CALN1: variants seen among roughly 807,000 people sequenced by gnomAD.
CALN1 encodes the protein calneuron 1.
In CALN1, 17 loss-of-function variants were observed where a neutral mutation model predicts 30.6. That is an observed-to-expected ratio of 0.56 (90% CI 0.38 to 0.83). The LOEUF is 0.83. Among genes scored for constraint, CALN1 ranks in the 40% least tolerant of loss-of-function variants. The pLI is 0.00. For missense variants in CALN1, 291 were observed against 354.9 expected (o/e 0.82, Z 1.45); for synonymous variants, 156 against 131.4 (o/e 1.19, Z -1.28).
chr7:71,941,382 G>T lies in CALN1; in HGVS notation c.501+82275C>A, dbSNP rs557237422. Among the ~76,000 whole-genome samples, 9 of 150,856 alleles carry T rather than the reference G, an allele frequency of 6.0e-5. No individual in the cohort carries two copies. In the South Asian group the frequency reaches 1.9e-3, roughly 32 times the overall value. ...AAAAAAAAGAATTTCTGTTCAATAA[G>T]GACACCATAAATGAAGTTAACTGAC... On this transcript the variant is annotated intron_variant, in intron 5 of 6. Coordinates refer to ENST00000395275, the MANE Select transcript of CALN1 (RefSeq NM_031468.4).
chr7:72,164,154 G>A (rs1164831771), intron 3 of CALN1, among the ~76,000 whole-genome samples: 1 of 152,052 alleles, frequency 6.6e-6, no homozygotes, highest in Non-Finnish European at 1.5e-5. Flanking sequence ...GGCCATCTGA[G>A]GTGAGGAGTT....
intron 5 of CALN1, among the ~76,000 whole-genome samples, chr7:71,869,377 A>AT (rs2116721956): frequency 6.6e-6 from 1 of 152,100 alleles, no homozygotes; most frequent in Non-Finnish European, 1.5e-5. Flanking sequence ...TGCCTGGCTA[A>AT]TTTTTTGTGT....
chr7:72,068,489 GTTTT>G (rs1301259025), intron 4 of CALN1, among the ~76,000 whole-genome samples: 1 of 142,062 alleles, frequency 7.0e-6, no homozygotes, highest in Admixed American at 7.1e-5. Flanking sequence ...TGGGCCTCCT[GTTTT>G]GTTTGTTTGT....
chr7:72,395,769 T>C (rs1014963847), intron 2 of CALN1, among the ~76,000 whole-genome samples: 7 of 151,832 alleles, frequency 4.6e-5, no homozygotes, highest in African/African-American at 1.7e-4. Flanking sequence ...AAAGATTTGG[T>C]CAATGGAACA....
In CALN1 at chr7:71,832,519, T is replaced by C. The variant is rs115573417; in HGVS notation, c.502-22027A>G. Among the ~76,000 whole-genome samples the C allele has an allele frequency of 5.5e-3, 838 of 152,340 alleles. 7 individuals carry two copies. The highest frequency in any genetic ancestry group is 0.019 in the African/African-American group (787 of 41,584). ...ACTTATTCAGAAACAAGTTCCCAGA[T>C]GCCAAGGTGACTGCTGAAAACCCTT... is the stretch of plus-strand genomic sequence containing the variant. On this transcript the variant is annotated intron_variant, in intron 5 of 6. Transcript: ENST00000395275.
chr7:72,318,159 G>C (rs1001159871), intron 2 of CALN1, among the ~76,000 whole-genome samples: 5 of 152,128 alleles, frequency 3.3e-5, no homozygotes, highest in African/African-American at 9.7e-5. Context: ...GAATTATTTG[G>C]TTTCAATGCA....
chr7:71,799,450 T>G (rs7778517), intron 6 of CALN1, among the ~76,000 whole-genome samples: 12,931 of 68,858 alleles, frequency 0.19, 679 homozygotes, highest in Admixed American at 0.32. Flanking sequence ...TATTTATTTA[T>G]TTAGTTAGTT....
Position 72,066,478 on chromosome 7 carries a change from T to G in CALN1, c.388+39673A>C, listed in dbSNP as rs577505607. 8.1e-4 allele frequency among the ~76,000 whole-genome samples: 123 copies of G among 152,306 alleles called. 1 individual carries two copies. The highest frequency in any genetic ancestry group is 2.7e-3 in the African/African-American group (113 of 41,568). ...GATTCACTCTGTCTAAGGCACTCATTTTCCTTTTTTTCAGTACTTTTTTTT... is the reference window on the plus strand; with the variant it reads ...GATTCACTCTGTCTAAGGCACTCATGTTCCTTTTTTTCAGTACTTTTTTTT... On this transcript the variant is annotated intron_variant, in intron 4 of 6. Transcript: ENST00000395275.
chr7:72,013,025 T>C (rs1189233907), intron 5 of CALN1, among the ~76,000 whole-genome samples: 1 of 152,118 alleles, frequency 6.6e-6, no homozygotes, highest in Non-Finnish European at 1.5e-5. Flanking sequence ...CTCTAACTCC[T>C]GACCTCAGGT....
Position 71,947,259 on chromosome 7 carries a change from C to T in CALN1, c.501+76398G>A, listed in dbSNP as rs559694870. The stretch of plus-strand genomic sequence containing the variant: ...CTCCTGACCTCAGGCGATCTGCCCA[C>T]CTCGGCCTCCCGAACTGCCGAGATT... On this transcript the variant is annotated intron_variant, in intron 5 of 6. Transcript: ENST00000395275. Among the ~76,000 whole-genome samples, 205 of 152,290 alleles carry T rather than the reference C, an allele frequency of 1.3e-3. 1 individual carries two copies. Among genetic ancestry groups the T allele is most frequent in the Non-Finnish European group, 2.2e-3 (147 of 68,028 alleles).
At chr7:72,215,091 C>A (rs1214805917) in intron 3 of CALN1, among the ~76,000 whole-genome samples, 1 of 152,072 alleles carries the variant, frequency 6.6e-6, no homozygotes, top group Admixed American at 6.6e-5. Flanking sequence ...CATCCGACAT[C>A]CCCCACTGCT....
intron 2 of CALN1, among the ~76,000 whole-genome samples, chr7:72,398,622 A>T (rs1806130530): frequency 6.6e-6 from 1 of 152,202 alleles, no homozygotes; most frequent in Non-Finnish European, 1.5e-5. Flanking sequence ...TCTAGGTGGC[A>T]TCATGGATGA....
intron 4 of CALN1, among the ~76,000 whole-genome samples, chr7:72,080,266 T>C (rs1000015111): frequency 2.0e-5 from 3 of 152,186 alleles, no homozygotes; most frequent in African/African-American, 7.2e-5. Context: ...CTTGCCTAAC[T>C]CACAAATAAT....
chr7:72,411,694 A>G (rs762022843), intron 1 of CALN1, among the ~76,000 whole-genome samples: 1 of 152,230 alleles, frequency 6.6e-6, no homozygotes, highest in Non-Finnish European at 1.5e-5. Flanking sequence ...GCCAAATGAC[A>G]GAGAAACTAA....
At chr7:72,271,564 T>TAAAAAAA (rs1305576740) in intron 3 of CALN1, among the ~76,000 whole-genome samples, 28 of 64,568 alleles carry the variant, frequency 4.3e-4, no homozygotes, top group Non-Finnish European at 4.5e-4. Flanking sequence ...GCCTGCCTTT[T>TAAAAAAA]AAAAAAAAAA....
intron 1 of CALN1, among the ~76,000 whole-genome samples, chr7:72,441,333 C>T (rs1033489543): frequency 3.9e-5 from 6 of 151,960 alleles, no homozygotes; most frequent in African/African-American, 7.2e-5. Flanking sequence ...CACGGTGACT[C>T]ATGCCTGTAA....
intron 5 of CALN1, among the ~76,000 whole-genome samples, chr7:71,818,081 G>A (rs17144003): frequency 0.16 from 24,660 of 151,980 alleles, 2,919 homozygotes; most frequent in East Asian, 0.6. Context: ...ATACAAAAGC[G>A]AACAATACAT....
At chr7:72,031,734 A>AGTTTTT (rs1562993226) in intron 4 of CALN1, among the ~76,000 whole-genome samples, 1 of 114,684 alleles carries the variant, frequency 8.7e-6, no homozygotes. Context: ...CGCCTGGCTA[A>AGTTTTT]TTTTTTTTTT....
chr7:71,946,901 A>G (rs949785207), intron 5 of CALN1, among the ~76,000 whole-genome samples: 1 of 146,510 alleles, frequency 6.8e-6, no homozygotes, highest in African/African-American at 2.5e-5. Context: ...CAGGCTTCTC[A>G]TGAACTCCTG....
Sources: allele counts gnomAD v4.1 joint callset (sites outside exome capture counted in the v4.1 genomes callset), GRCh38; gene constraint gnomAD v4.1.1; transcripts MANE v1.5; gene names NCBI Gene and HGNC (gene_info 2026-07-23, HGNC 2026-07-21).